TRHDE: variants seen among roughly 807,000 people sequenced by gnomAD.
The protein encoded by TRHDE is thyrotropin-releasing hormone-degrading ectoenzyme.
Under a neutral mutation model 125.7 loss-of-function variants are expected in TRHDE, and 72 were observed. The ratio of observed to expected loss-of-function variants is 0.57; its 90% CI spans 0.47 to 0.70. The LOEUF (loss-of-function observed/expected upper bound fraction) is 0.70, where lower values mean the gene tolerates loss of function less well. Among genes scored for constraint, TRHDE ranks in the 30% least tolerant of loss-of-function variants. The probability of loss-of-function intolerance (pLI) is 0.00; values close to 1 mark genes in which losing one functional copy is unlikely to be tolerated. For missense variants in TRHDE, 1,110 were observed against 1,327.1 expected (o/e 0.84, Z 2.54); for synonymous variants, 509 against 509.1 (o/e 1.00, Z 0.00).
chr12:72,602,648 A>G (rs1019640541), intron 12 of TRHDE, among the ~76,000 whole-genome samples: 3 of 152,206 alleles, frequency 2.0e-5, no homozygotes, highest in African/African-American at 7.2e-5. Flanking sequence ...ACAGCTGGAA[A>G]AAAATAATTA....
chr12:72,160,936 C>T (rs1357816658), intron 2 of TRHDE, among the ~76,000 whole-genome samples: 3 of 152,162 alleles, frequency 2.0e-5, no homozygotes, highest in Non-Finnish European at 4.4e-5. Context: ...GAGTAGAACT[C>T]TTCACTGTCC....
At chr12:72,407,155 C>A (rs1873301598) in intron 3 of TRHDE, among the ~76,000 whole-genome samples, 1 of 152,092 alleles carries the variant, frequency 6.6e-6, no homozygotes. Context: ...ATGGTCTGTT[C>A]TTTCCTCTGA....
At chr12:72,588,019 A>T (rs2136044320) in intron 12 of TRHDE, among the ~76,000 whole-genome samples, 1 of 152,322 alleles carries the variant, frequency 6.6e-6, no homozygotes, top group East Asian at 1.9e-4. Flanking sequence ...ATATTAAATG[A>T]ACTATATGTT....
intron 2 of TRHDE, among the ~76,000 whole-genome samples, chr12:72,311,745 A>T (rs1456008125): frequency 6.6e-6 from 1 of 152,176 alleles, no homozygotes; most frequent in Non-Finnish European, 1.5e-5. Flanking sequence ...GTGGATATCC[A>T]GTAATGCAGA....
intron 2 of TRHDE, among the ~76,000 whole-genome samples, chr12:72,186,825 C>T (rs1181348984): frequency 1.3e-5 from 2 of 151,576 alleles, no homozygotes; most frequent in Non-Finnish European, 2.9e-5. Flanking sequence ...AGTGGCTCTC[C>T]TTTATTGGCG....
intron 3 of TRHDE, among the ~76,000 whole-genome samples, chr12:72,415,571 A>G (rs951913445): frequency 6.7e-6 from 1 of 149,736 alleles, no homozygotes; most frequent in Admixed American, 6.6e-5. Flanking sequence ...GGTAATAATC[A>G]TTCTACTGTC....
At chr12:72,147,978 C>A (rs1286754109) in intron 2 of TRHDE, 3 of 152,210 alleles carry the variant, frequency 2.0e-5, no homozygotes, top group Admixed American at 2.0e-4. Context: ...TTATCTTAAA[C>A]AATAATGTTA....
chr12:72,251,509 T>C (rs1878683087), intron 2 of TRHDE, among the ~76,000 whole-genome samples: 1 of 151,774 alleles, frequency 6.6e-6, no homozygotes, highest in South Asian at 2.1e-4. Flanking sequence ...TTTTTATTGC[T>C]GAGTTCTACT....
intron 6 of TRHDE, among the ~76,000 whole-genome samples, chr12:72,505,399 T>C (rs1878316761): frequency 6.6e-6 from 1 of 152,188 alleles, no homozygotes. Context: ...TGAGACAGTC[T>C]CTTTGTTCTA....
At position 72,575,272 on chromosome 12, in the gene TRHDE, T is replaced by C. The variant is rs536652846; in HGVS notation, c.2149T>C (p.Tyr717His). The change falls in exon 11 of 19, where the codon TAT becomes CAT. Residue 717 changes from tyrosine (Y) to histidine (H), a missense_variant. By Grantham distance (83) the Tyr-to-His change is moderately conservative. Around this residue, in one of 5 missense-constraint regions of TRHDE, gnomAD observed 527 missense variants for 651.8 expected, o/e 0.81. Transcript: ENST00000261180. ...TTTTTCAGAGCACCACAGAATAACT[T>C]ATTTGGACAAAGGAAGCTGGCTGCT... is the stretch of plus-strand genomic sequence containing the variant. ...SNKSEHHRIT[Y>H]LDKGSWLLGN... 3 of 1,613,350 alleles carry C rather than the reference T, an allele frequency of 1.9e-6. No homozygotes were observed. The East Asian group carries it at 6.7e-5, about 36-fold the overall frequency.
At chr12:72,312,224 C>T (rs540914412) in intron 2 of TRHDE, among the ~76,000 whole-genome samples, 1 of 152,172 alleles carries the variant, frequency 6.6e-6, no homozygotes, top group African/African-American at 2.4e-5. Flanking sequence ...TGTATTGCTG[C>T]CCATTATGCA....
intron 15 of TRHDE, among the ~76,000 whole-genome samples, chr12:72,639,776 C>G (rs576154204): frequency 0.017 from 2,559 of 152,246 alleles, 34 homozygotes; most frequent in Non-Finnish European, 0.029. Context: ...AGGTGTCAGT[C>G]TGCCCCTGCT....
intron 2 of TRHDE, among the ~76,000 whole-genome samples, chr12:72,323,819 A>G (rs1429581723): frequency 1.0e-5 from 1 of 95,426 alleles, no homozygotes; most frequent in Admixed American, 9.9e-5. Context: ...AGATGAAATT[A>G]TGGAGCGAGA....
intron 3 of TRHDE, among the ~76,000 whole-genome samples, chr12:72,394,663 C>G (rs977904136): frequency 6.6e-6 from 1 of 152,156 alleles, no homozygotes. Flanking sequence ...GTTGAAGACA[C>G]TTTTTCCCCT....
chr12:72,346,490 C>CCG (rs5799075), intron 2 of TRHDE, among the ~76,000 whole-genome samples: 1 of 151,934 alleles, frequency 6.6e-6, no homozygotes, highest in Admixed American at 6.6e-5. Context: ...TAACTGTTCC[C>CCG]GAGGAGCATC....
chr12:72,241,217 G>A (rs1878476774), intron 2 of TRHDE, among the ~76,000 whole-genome samples: 1 of 152,148 alleles, frequency 6.6e-6, no homozygotes, highest in South Asian at 2.1e-4. Flanking sequence ...TTTAATAAGT[G>A]TAGACTGATG....
intron 2 of TRHDE, among the ~76,000 whole-genome samples, chr12:72,194,850 T>C (rs553419554): frequency 6.6e-6 from 1 of 152,252 alleles, no homozygotes; most frequent in East Asian, 1.9e-4. Context: ...ATGTGTCTTT[T>C]TGGTAGAACA....
chr12:72,322,613 T>A (rs1869148050), intron 2 of TRHDE, among the ~76,000 whole-genome samples: 1 of 152,068 alleles, frequency 6.6e-6, no homozygotes, highest in Admixed American at 6.6e-5. Context: ...ACAGGGACAA[T>A]GATTCAGTAT....
At chr12:72,536,478 A>G (rs1485999844) in intron 6 of TRHDE, among the ~76,000 whole-genome samples, 1 of 152,094 alleles carries the variant, frequency 6.6e-6, no homozygotes, top group Non-Finnish European at 1.5e-5. Flanking sequence ...ACATTCATCC[A>G]CACCAGTGAC....
Sources: gnomAD v4.1 joint callset for allele counts (sites outside exome capture counted in the v4.1 genomes callset) on GRCh38, gnomAD v4.1.1 for gene constraint, gnomAD v4.1.1 regional missense constraint, MANE v1.5 for transcripts, NCBI Gene and HGNC (gene_info 2026-07-23, HGNC 2026-07-21) for gene names.